Variants in AGPAT3 observed in about 807,000 individuals in gnomAD.
AGPAT3 encodes the protein 1-acylglycerol-3-phosphate O-acyltransferase 3.
AGPAT3 carries 5 observed loss-of-function variants against 47.3 expected under a neutral mutation model. The ratio of observed to expected loss-of-function variants is 0.11; its 90% CI spans 0.06 to 0.22. The LOEUF is 0.22. Ranked by LOEUF, AGPAT3 falls within the 10% of genes least tolerant of loss-of-function variation. The probability of loss-of-function intolerance (pLI) is 1.00; values close to 1 mark genes in which losing one functional copy is unlikely to be tolerated. For synonymous variants in AGPAT3, 212 were observed against 208.3 expected, an observed-to-expected ratio of 1.02 and a Z score of -0.15; for missense variants, 315 against 493.0, an observed-to-expected ratio of 0.64 and a Z score of 3.42.
rs2087565753 is a variant in AGPAT3 at position 43,939,269 on chromosome 21, T to C, written c.-48-20365T>C. On this transcript the variant is annotated intron_variant, in intron 2 of 9. Coordinates refer to ENST00000291572, the MANE Select transcript of AGPAT3 (RefSeq NM_020132.5). The surrounding 1 kb of genome is among the most constrained non-coding windows in gnomAD (Gnocchi z 4.4). ...ACACCCCATCCCCGTCCCCGTGTGC[T>C]GTCGAGGGCCTCTAGCGGGCGCTCC... Among the ~76,000 whole-genome samples the C allele has an allele frequency of 6.6e-6, 1 of 151,896 alleles. No homozygotes were observed. Among genetic ancestry groups the C allele is most frequent in the South Asian group, 2.1e-4 (1 of 4,806 alleles).
chr21:43,944,638 G>A lies in AGPAT3; in HGVS notation c.-48-14996G>A, dbSNP rs532465331. On this transcript the variant is annotated intron_variant, in intron 2 of 9. Transcript: ENST00000291572. ...TCCTCAGACAGGAGATGCATGTGCC[G>A]GGAGGCAGGCAGGGGGACGGCTGTG... Among the ~76,000 whole-genome samples, 195 of 152,376 alleles carry A rather than the reference G, an allele frequency of 1.3e-3. 1 individual carries two copies. The highest frequency in any genetic ancestry group is 0.012 in the Admixed American group (184 of 15,310).
At chr21:43,953,548 C>G (rs2088304338) in intron 2 of AGPAT3, among the ~76,000 whole-genome samples, 1 of 152,182 alleles carries the variant, frequency 6.6e-6, no homozygotes, top group South Asian at 2.1e-4. Flanking sequence ...AAAAGACTTT[C>G]AAGCCTAATG....
At chr21:43,971,843 G>C (rs1252345607) in intron 7 of AGPAT3, among the ~76,000 whole-genome samples, 1 of 152,220 alleles carries the variant, frequency 6.6e-6, no homozygotes, top group Non-Finnish European at 1.5e-5. Context: ...AGCCCCTGTA[G>C]TTCCCTCTGT....
chr21:43,971,433 A>G lies in AGPAT3; in HGVS notation c.710A>G (p.Asn237Ser), dbSNP rs1487312858. 6.2e-7 allele frequency: 1 copy of G among 1,614,162 alleles called. No homozygotes were observed. The change falls in exon 7 of 10, where the codon AAC becomes AGC. Residue 237 changes from asparagine (N) to serine (S), a missense_variant. Coordinates refer to ENST00000291572, the MANE Select transcript of AGPAT3 (RefSeq NM_020132.5). ...DVTLNFRGNK[N>S]PSLLGILYGK... ...ACCCTGAACTTCAGAGGAAACAAGA[A>G]CCCGTCCCTGCTGGGGATCCTCTAC...
intron 7 of AGPAT3, among the ~76,000 whole-genome samples, chr21:43,972,710 G>T (rs1156717448): frequency 6.6e-6 from 1 of 152,188 alleles, no homozygotes; most frequent in African/African-American, 2.4e-5. Flanking sequence ...AATCCACCCA[G>T]AAATCCTGTT....
chr21:43,940,200 C>T (rs1276552810), intron 2 of AGPAT3, among the ~76,000 whole-genome samples: 5 of 152,354 alleles, frequency 3.3e-5, no homozygotes, highest in South Asian at 2.1e-4. Flanking sequence ...ACCTGCTCCC[C>T]GCAGGTCCTT....
rs1047176786 is a variant in AGPAT3, at chr21:43,952,998, C to T, written c.-48-6636C>T. Among the ~76,000 whole-genome samples the T allele has an allele frequency of 5.3e-5, 8 of 152,210 alleles. No individual in the cohort carries two copies. Among genetic ancestry groups the T allele is most frequent in the Non-Finnish European group, 1.0e-4 (7 of 68,028 alleles). On this transcript the variant is annotated intron_variant, in intron 2 of 9. Coordinates refer to ENST00000291572, the MANE Select transcript of AGPAT3 (RefSeq NM_020132.5). The surrounding 1 kb of genome is among the most constrained non-coding windows in gnomAD (Gnocchi z 5.6). ...AACCAAGTGAGGCGAGGTTCCACAT[C>T]GCCGGCCAAGTGGCTTTATGGGCCT... is the stretch of plus-strand genomic sequence containing the variant.
rs182684620 is a variant in AGPAT3 at position 43,932,497 on chromosome 21, C to G, written c.-48-27137C>G. Reference sequence around the variant, plus strand: ...GCGTTACGCACCGCACGCTCGCTATCCATTCGTCTGTTGGTGGGCACCTGG... The same window carrying G: ...GCGTTACGCACCGCACGCTCGCTATGCATTCGTCTGTTGGTGGGCACCTGG... On this transcript the variant is annotated intron_variant, in intron 2 of 9. Coordinates refer to ENST00000291572, the MANE Select transcript of AGPAT3 (RefSeq NM_020132.5). The surrounding 1 kb of genome is among the most constrained non-coding windows in gnomAD (Gnocchi z 5.2). Among the ~76,000 whole-genome samples the G allele has an allele frequency of 3.0e-4, 46 of 152,370 alleles. No homozygotes were observed. In the East Asian group the frequency reaches 8.5e-3, roughly 28 times the overall value.
chr21:43,980,341 C>T lies in AGPAT3; in HGVS notation c.844-648C>T, dbSNP rs946132165. ...GTGCCCTTCACTACTTCCCAAGCAT[C>T]CTAGAGTCCCACGGGCTGCCCCGCC... On this transcript the variant is annotated intron_variant, in intron 8 of 9. Transcript: ENST00000291572. 2.0e-5 allele frequency among the ~76,000 whole-genome samples: 3 copies of T among 151,852 alleles called. No individual in the cohort carries two copies. In the East Asian group the frequency reaches 5.8e-4, roughly 29 times the overall value.
chr21:43,946,278 A>G (rs943531870), intron 2 of AGPAT3, among the ~76,000 whole-genome samples: 5 of 152,214 alleles, frequency 3.3e-5, no homozygotes, highest in African/African-American at 1.2e-4. Flanking sequence ...CACCTCCTAC[A>G]TAACTTTGTA....
At chr21:43,905,965 G>A (rs559243692) in intron 2 of AGPAT3, among the ~76,000 whole-genome samples, 16 of 152,328 alleles carry the variant, frequency 1.1e-4, no homozygotes, top group African/African-American at 3.6e-4. Context: ...GCTTCTAGGG[G>A]AGAAACCGGC....
intron 1 of AGPAT3, among the ~76,000 whole-genome samples, chr21:43,871,965 A>G (rs2085634031): frequency 6.6e-6 from 1 of 151,954 alleles, no homozygotes. Context: ...AGTTCTTCCC[A>G]ATTCTTGGGT....
rs538273062 is a variant in AGPAT3, at chr21:43,986,531, A to G, written c.*4139A>G. ...ACATTAAACTGGAGTTACTTGATAC[A>G]ATGAAGAAATGCATCTGATCTACTT... On this transcript the variant is annotated 3_prime_UTR_variant, in exon 10 of 10. Transcript: ENST00000291572. 2.4e-4 allele frequency: 37 copies of G among 152,792 alleles called. No homozygotes were observed. The highest frequency in any genetic ancestry group is 8.7e-4 in the African/African-American group (36 of 41,582). 9.5% of individuals were successfully genotyped at this position (152,792 alleles called of 1,614,324 possible).
intron 2 of AGPAT3, among the ~76,000 whole-genome samples, chr21:43,944,082 G>T (rs943752093): frequency 1.3e-5 from 2 of 152,184 alleles, no homozygotes; most frequent in South Asian, 4.1e-4. Context: ...CCTCTCTAAG[G>T]AGCCACACCT....
rs1220437133 is a variant in AGPAT3 at position 43,880,500 on chromosome 21, A to G, written c.-112+15155A>G. On this transcript the variant is annotated intron_variant, in intron 1 of 9. Transcript: ENST00000291572. The surrounding 1 kb of genome is among the most constrained non-coding windows in gnomAD (Gnocchi z 4.5). ...TGCCAGGAGCTCAGCTTTGATCTTGAGTGCTGGTGGCTGTCCAGCTTTACT... is the reference window on the plus strand; with the variant it reads ...TGCCAGGAGCTCAGCTTTGATCTTGGGTGCTGGTGGCTGTCCAGCTTTACT... 6.6e-6 allele frequency among the ~76,000 whole-genome samples: 1 copy of G among 152,152 alleles called. No homozygotes were observed. The highest frequency in any genetic ancestry group is 2.1e-4 in the South Asian group (1 of 4,820).
intron 2 of AGPAT3, chr21:43,919,827 C>A (rs750538878): frequency 6.6e-6 from 1 of 152,244 alleles, no homozygotes; most frequent in Non-Finnish European, 1.5e-5. Flanking sequence ...ATTTGCATGT[C>A]GTCCTTCTGC....
At chr21:43,929,713 G>T (rs903456709) in intron 2 of AGPAT3, among the ~76,000 whole-genome samples, 2 of 152,230 alleles carry the variant, frequency 1.3e-5, no homozygotes, top group Non-Finnish European at 2.9e-5. Context: ...CTGGGATGGA[G>T]GGAGAAGACG....
intron 3 of AGPAT3, 27 bp from the exon 4 acceptor site, chr21:43,967,919 G>A: frequency 1.2e-6 from 2 of 1,609,178 alleles, no homozygotes; most frequent in South Asian, 2.2e-5. Context: ...GGTCCTACCA[G>A]TGCCAACGCC....
In AGPAT3 at chr21:43,983,891, G is replaced by A. The variant is rs2029974049; in HGVS notation, c.*1499G>A. 1 of 152,236 alleles carries A rather than the reference G, an allele frequency of 6.6e-6. No homozygotes were observed. The allele number at this position is 152,236 out of a possible 1,614,324, so 9.4% of individuals were successfully genotyped here. Reference sequence around the variant, plus strand: ...ATAGAGGTAGGTTGAGTTTTCTAGGGGAAAACAAATGGAGAAAAGAGGCAT... The same window carrying A: ...ATAGAGGTAGGTTGAGTTTTCTAGGAGAAAACAAATGGAGAAAAGAGGCAT... On this transcript the variant is annotated 3_prime_UTR_variant, in exon 10 of 10. Coordinates refer to ENST00000291572, the MANE Select transcript of AGPAT3 (RefSeq NM_020132.5).
Sources: gnomAD v4.1 joint callset for allele counts (sites outside exome capture counted in the v4.1 genomes callset) on GRCh38, gnomAD v4.1.1 for gene constraint, Gnocchi (gnomAD v3.1) non-coding constraint, MANE v1.5 for transcripts, NCBI Gene and HGNC (gene_info 2026-07-23, HGNC 2026-07-21) for gene names.